Variants in PRSS21 observed in about 807,000 individuals in gnomAD.
The protein encoded by PRSS21 is serine protease 21, also known as testisin.
Under a neutral mutation model 31.1 loss-of-function variants are expected in PRSS21, and 40 were observed. The observed-to-expected ratio is 1.29, with a 90% CI of 1.00 to 1.68. The LOEUF is 1.68. Among genes scored for constraint, PRSS21 ranks in the 40% most tolerant of loss-of-function variants. The pLI is 0.00. For synonymous variants in PRSS21, 186 were observed against 167.7 expected, an observed-to-expected ratio of 1.11 and a Z score of -0.84; for missense variants, 467 against 412.6, an observed-to-expected ratio of 1.13 and a Z score of -1.14.
intron 4 of PRSS21, among the ~76,000 whole-genome samples, chr16:2,819,349 C>G (rs2069133935): frequency 6.6e-6 from 1 of 152,194 alleles, no homozygotes; most frequent in Non-Finnish European, 1.5e-5. Flanking sequence ...CACACCCACC[C>G]TAGCTCTGGC....
chr16:2,821,040 T>C lies in PRSS21; in HGVS notation c.636T>C (p.Ser212=), dbSNP rs2069165117. ...SMCNHLFLKY[S]FRKDIFGDMV... ...GCAACCACCTCTTCCTCAAGTACAG[T>C]TTCCGCAAGGACATCTTTGGAGACA... Residue 212 remains serine, a synonymous_variant, in exon 5 of 6, where the codon AGT becomes AGC. Coordinates refer to ENST00000005995, the MANE Select transcript of PRSS21 (RefSeq NM_006799.4). The C allele has an allele frequency of 6.2e-7, 1 of 1,614,132 alleles. No individual in the cohort carries two copies. The highest frequency in any genetic ancestry group is 1.1e-5 in the South Asian group (1 of 91,080).
At chr16:2,819,060 G>C in intron 4 of PRSS21, 91 bp downstream of exon 4, 1 of 1,448,952 alleles carries the variant, frequency 6.9e-7, no homozygotes. Flanking sequence ...TGGTCTGGGG[G>C]TGCAGGCTAT....
intron 4 of PRSS21, 61 bp from the exon 5 acceptor site, chr16:2,820,894 C>T: frequency 6.4e-7 from 1 of 1,554,854 alleles, no homozygotes; most frequent in Non-Finnish European, 8.8e-7. Context: ...CAGCCTATGC[C>T]ATCCCTCCAT....
At position 2,817,815 on chromosome 16, in the gene PRSS21, C is replaced by A; in HGVS notation, c.106C>A (p.Arg36=). ...GACCATCCGAGGACCATGCGGCCGA[C>A]GGGTCATCACGTCGCGCATCGTGGG... is the stretch of plus-strand genomic sequence containing the variant. ...AAPLSGPCGR[R]VITSRIVGGE... is the part of the protein sequence containing the mutation. The change falls in exon 3 of 6, where the codon CGG becomes AGG. Residue 36 remains arginine, a synonymous_variant. Coordinates refer to ENST00000005995, the MANE Select transcript of PRSS21 (RefSeq NM_006799.4). The surrounding 1 kb of genome is among the most constrained non-coding windows in gnomAD (Gnocchi z 4.2). The A allele has an allele frequency of 6.5e-7, 1 of 1,550,220 alleles. No homozygotes were observed.
In PRSS21 at chr16:2,821,472, A is replaced by G. The variant is rs1567276530; in HGVS notation, c.812A>G (p.Tyr271Cys). 6.2e-7 allele frequency: 1 copy of G among 1,614,198 alleles called. No individual in the cohort carries two copies. Among genetic ancestry groups the G allele is most frequent in the Admixed American group, 1.7e-5 (1 of 60,018 alleles). ...GGTCGGCCCAATCGGCCCGGTGTCT[A>G]CACCAATATCAGCCACCACTTTGAG... ...GCGRPNRPGV[Y>C]TNISHHFEWI... Residue 271 changes from tyrosine to cysteine, a missense_variant, in exon 6 of 6, where the codon TAC becomes TGC. Coordinates refer to ENST00000005995, the MANE Select transcript of PRSS21 (RefSeq NM_006799.4).
chr16:2,817,520 G>A lies in PRSS21; in HGVS notation c.91+64G>A. ...TGGGCCGAGGTGGACGGGGGGCGGT[G>A]AGGGGGTAGAGGGGGGCCTTTACTG... On this transcript the variant is annotated intron_variant, in intron 2 of 5. Transcript: ENST00000005995. This position sits in a 1 kb window ranked among gnomAD's most constrained non-coding sequence, Gnocchi z 4.2. 9.6e-7 allele frequency: 1 copy of A among 1,046,052 alleles called. No homozygotes were observed. Among genetic ancestry groups the A allele is most frequent in the Non-Finnish European group, 1.3e-6 (1 of 760,206 alleles). The allele number at this position is 1,046,052 out of a possible 1,614,324, so 64.8% of individuals were successfully genotyped here.
Position 2,817,426 on chromosome 16 carries a change from G to A in PRSS21, c.65-4G>A. 6.3e-7 allele frequency: 1 copy of A among 1,592,418 alleles called. No homozygotes were observed. The highest frequency in any genetic ancestry group is 1.7e-5 in the Admixed American group (1 of 59,356). On this transcript the variant is annotated splice_polypyrimidine_tract_variant and splice_region_variant and intron_variant, in intron 1 of 5. Coordinates refer to ENST00000005995, the MANE Select transcript of PRSS21 (RefSeq NM_006799.4). The surrounding 1 kb of genome is among the most constrained non-coding windows in gnomAD (Gnocchi z 4.2). ...CGCGGGGAGTCACTTCTTGTCTCCC[G>A]CAGAGTCGCAGGAGGCGGCGCCGTT...
Position 2,817,468 on chromosome 16 carries a change from A to G in PRSS21, c.91+12A>G. The G allele has an allele frequency of 6.5e-7, 1 of 1,535,240 alleles. No homozygotes were observed. Among genetic ancestry groups the G allele is most frequent in the Non-Finnish European group, 8.7e-7 (1 of 1,150,208 alleles). On this transcript the variant is annotated intron_variant, in intron 2 of 5. Transcript: ENST00000005995. This position sits in a 1 kb window ranked among gnomAD's most constrained non-coding sequence, Gnocchi z 4.2. ...GGCGCCGTTATCAGGTAGGGCGCCC[A>G]GGACGCGCGATTCCTGCCAGGGCCG...
rs769930095 is a variant in PRSS21 at position 2,817,499 on chromosome 16, C to G, written c.91+43C>G. 20 of 1,447,130 alleles carry G rather than the reference C, an allele frequency of 1.4e-5. No homozygotes were observed. In the East Asian group the frequency reaches 4.9e-4, roughly 36 times the overall value. 89.6% of individuals were successfully genotyped at this position (1,447,130 alleles called of 1,614,324 possible). A position where few individuals can be genotyped will look rare whatever the true frequency, so the allele number is the denominator to read the frequency against. ...CGCGATTCCTGCCAGGGCCGTTGGG[C>G]CGAGGTGGACGGGGGGCGGTGAGGG... is the stretch of plus-strand genomic sequence containing the variant. On this transcript the variant is annotated intron_variant, in intron 2 of 5. Coordinates refer to ENST00000005995, the MANE Select transcript of PRSS21 (RefSeq NM_006799.4). This position sits in a 1 kb window ranked among gnomAD's most constrained non-coding sequence, Gnocchi z 4.2.
intron 3 of PRSS21, among the ~76,000 whole-genome samples, 164 bp from the exon 4 acceptor site, chr16:2,818,513 A>G (rs1025259871): frequency 6.6e-6 from 1 of 152,056 alleles, no homozygotes; most frequent in African/African-American, 2.4e-5. Flanking sequence ...AGGTCCTAGG[A>G]CTTTGGTTGT....
intron 4 of PRSS21, 104 bp downstream of exon 4, chr16:2,819,073 C>A: frequency 1.5e-6 from 2 of 1,307,776 alleles, no homozygotes; most frequent in Admixed American, 2.2e-5. Context: ...CAGGCTATGC[C>A]CCTCTTGCTT....
intron 3 of PRSS21, 76 bp downstream of exon 3, chr16:2,818,042 T>A: frequency 6.8e-7 from 1 of 1,470,336 alleles, no homozygotes; most frequent in Non-Finnish European, 9.1e-7. Context: ...GAACTTTACC[T>A]CTGGTCTGAT....
chr16:2,817,975 G>T lies in PRSS21; in HGVS notation c.257+9G>T. The T allele has an allele frequency of 1.3e-6, 2 of 1,545,750 alleles. No individual in the cohort carries two copies. Among genetic ancestry groups the T allele is most frequent in the South Asian group, 2.4e-5 (2 of 83,954 alleles). On this transcript the variant is annotated intron_variant, in intron 3 of 5. Coordinates refer to ENST00000005995, the MANE Select transcript of PRSS21 (RefSeq NM_006799.4). This position sits in a 1 kb window ranked among gnomAD's most constrained non-coding sequence, Gnocchi z 4.2. ...GCGCACTGCTTTGAAACGTGAGTGG[G>T]GGTGCGAACGGAGGGGTGCGGGGAC...
In PRSS21 at chr16:2,817,625, G is replaced by T. The variant is rs893448457; in HGVS notation, c.91+169G>T. 3 of 1,260,314 alleles carry T rather than the reference G, an allele frequency of 2.4e-6. No homozygotes were observed. In the Admixed American group the frequency reaches 7.1e-5, roughly 30 times the overall value. 78.1% of individuals were successfully genotyped at this position (1,260,314 alleles called of 1,614,324 possible). A position where few individuals can be genotyped will look rare whatever the true frequency, so the allele number is the denominator to read the frequency against. ...ACGGACGCTGGAGGGGGATGGGCGG[G>T]CCCTGCAGAGCACGTGGGAGGATCT... On this transcript the variant is annotated intron_variant, in intron 2 of 5. Coordinates refer to ENST00000005995, the MANE Select transcript of PRSS21 (RefSeq NM_006799.4). The surrounding 1 kb of genome is among the most constrained non-coding windows in gnomAD (Gnocchi z 4.2).
rs755058489 is a variant in PRSS21 at position 2,817,305 on chromosome 16, CTGGCTCGGGCTGGACT to C, written c.38_53del (p.Leu13ProfsTer52). On this transcript the variant is annotated frameshift_variant, in exon 1 of 6. Coordinates refer to ENST00000005995, the MANE Select transcript of PRSS21 (RefSeq NM_006799.4). LOFTEE classifies it high-confidence loss of function. The surrounding 1 kb of genome is among the most constrained non-coding windows in gnomAD (Gnocchi z 4.2). Reference sequence around the variant, plus strand: ...CGGGGCGCTGCTGCTGGCGCTGCTGCTGGCTCGGGCTGGACTCAGGAAGCCGGGTGAGCTCGGGGCG... The same window carrying C: ...CGGGGCGCTGCTGCTGGCGCTGCTGCCAGGAAGCCGGGTGAGCTCGGGGCG... 8.6e-5 allele frequency: 132 copies of C among 1,542,166 alleles called. No homozygotes were observed. Among genetic ancestry groups the C allele is most frequent in the Non-Finnish European group, 1.0e-4 (119 of 1,147,732 alleles).
chr16:2,817,518 G>T lies in PRSS21; in HGVS notation c.91+62G>T. 1.5e-6 allele frequency: 2 copies of T among 1,308,700 alleles called. No homozygotes were observed. Among genetic ancestry groups the T allele is most frequent in the Non-Finnish European group, 2.0e-6 (2 of 977,360 alleles). The allele number at this position is 1,308,700 out of a possible 1,614,324, so 81.1% of individuals were successfully genotyped here. On this transcript the variant is annotated intron_variant, in intron 2 of 5. Coordinates refer to ENST00000005995, the MANE Select transcript of PRSS21 (RefSeq NM_006799.4). The surrounding 1 kb of genome is among the most constrained non-coding windows in gnomAD (Gnocchi z 4.2). ...GTTGGGCCGAGGTGGACGGGGGGCG[G>T]TGAGGGGGTAGAGGGGGGCCTTTAC...
chr16:2,817,599 A>C lies in PRSS21; in HGVS notation c.91+143A>C. 7.4e-7 allele frequency: 1 copy of C among 1,346,616 alleles called. No individual in the cohort carries two copies. Among genetic ancestry groups the C allele is most frequent in the Non-Finnish European group, 9.9e-7 (1 of 1,005,924 alleles). 83.4% of individuals were successfully genotyped at this position (1,346,616 alleles called of 1,614,324 possible). ...AACTCTGTTGGCGTGGAAAGTAACT[A>C]ACGGACGCTGGAGGGGGATGGGCGG... On this transcript the variant is annotated intron_variant, in intron 2 of 5. Transcript: ENST00000005995. This position sits in a 1 kb window ranked among gnomAD's most constrained non-coding sequence, Gnocchi z 4.2.
Position 2,821,348 on chromosome 16 carries a change from AG to A in PRSS21, c.706-17del. 1 of 1,613,362 alleles carries A rather than the reference AG, an allele frequency of 6.2e-7. No homozygotes were observed. The highest frequency in any genetic ancestry group is 1.7e-4 in the Middle Eastern group (1 of 6,046). On this transcript the variant is annotated splice_polypyrimidine_tract_variant and intron_variant, in intron 5 of 5. Coordinates refer to ENST00000005995, the MANE Select transcript of PRSS21 (RefSeq NM_006799.4). ...ACTCACTCTGCCCCAGGCTGACCTC[AG>A]CCCCGCTGCTCCCCAGGGTGACTCA... is the stretch of plus-strand genomic sequence containing the variant.
In PRSS21 at chr16:2,817,563, C is replaced by A; in HGVS notation, c.91+107C>A. On this transcript the variant is annotated intron_variant, in intron 2 of 5. Coordinates refer to ENST00000005995, the MANE Select transcript of PRSS21 (RefSeq NM_006799.4). The surrounding 1 kb of genome is among the most constrained non-coding windows in gnomAD (Gnocchi z 4.2). ...CTTTACTGCTCTCTCGCCCCCGCCC[C>A]CGGGATCGAGAACTCTGTTGGCGTG... 1 of 1,433,510 alleles carries A rather than the reference C, an allele frequency of 7.0e-7. No individual in the cohort carries two copies. The highest frequency in any genetic ancestry group is 1.4e-5 in the South Asian group (1 of 72,648). 88.8% of individuals were successfully genotyped at this position (1,433,510 alleles called of 1,614,324 possible).
Sources: allele counts gnomAD v4.1 joint callset (sites outside exome capture counted in the v4.1 genomes callset), GRCh38; gene constraint gnomAD v4.1.1; non-coding constraint Gnocchi (gnomAD v3.1); transcripts MANE v1.5; gene names NCBI Gene and HGNC (gene_info 2026-07-23, HGNC 2026-07-21).